The following SORCS1 variants were observed in gnomAD, a reference collection of about 807,000 sequenced individuals.
SORCS1 encodes the protein VPS10 domain-containing receptor SorCS1.
A neutral mutation model predicts 146.1 loss-of-function variants in SORCS1; 60 were observed. That is an observed-to-expected ratio of 0.41 (90% CI 0.33 to 0.51). SORCS1 has a LOEUF of 0.51. Ranked by LOEUF, SORCS1 falls within the 20% of genes least tolerant of loss-of-function variation. The pLI, the probability that SORCS1 is intolerant of heterozygous loss-of-function variation, is 0.21. For missense variants in SORCS1, 1,352 were observed against 1,487.6 expected (o/e 0.91, Z 1.50); for synonymous variants, 637 against 584.0 (o/e 1.09, Z -1.31).
chr10:106,699,350 G>A lies in SORCS1; in HGVS notation c.1277C>T (p.Ala426Val), dbSNP rs1486573405. 14 of 1,613,480 alleles carry A rather than the reference G, an allele frequency of 8.7e-6. No homozygotes were observed. Among genetic ancestry groups the A allele is most frequent in the East Asian group, 2.2e-5 (1 of 44,870 alleles). The change falls in exon 9 of 26, where the codon GCG (alanine) becomes GTG (valine). Residue 426 changes from alanine (A) to valine (V), a missense_variant. By Grantham distance (64) the Ala-to-Val change is moderately conservative. Around this residue, in one of 3 missense-constraint regions of SORCS1, gnomAD observed 648 missense variants for 793.8 expected, o/e 0.82. Transcript: ENST00000263054. The part of the protein sequence containing the change: ...ISTDENQVFA[A>V]VQEWNQNDTY... ...GTCATTCTGGTTCCATTCTTGGACC[G>A]CTGCGAACACCTGATTCTCATCGGT...
rs1486189167 is a variant in SORCS1 at position 106,829,580 on chromosome 10, C to T, written c.720G>A (p.Lys240=). 2 of 1,589,600 alleles carry T rather than the reference C, an allele frequency of 1.3e-6. No individual in the cohort carries two copies. Among genetic ancestry groups the T allele is most frequent in the African/African-American group, 2.7e-5 (2 of 74,636 alleles). Residue 240 remains lysine (K), a synonymous_variant, in exon 3 of 26, where the codon AAG becomes AAA. Transcript: ENST00000263054. The stretch of plus-strand genomic sequence containing the variant: ...CTGAATATACATTTCTTACCTTACG[C>T]TTGTTGGTAGGACACACATAGAGAT... ...LSYLYVCPTN[K]RKIMLLTDPE... is the part of the protein sequence containing the mutation.
chr10:106,595,728 T>C (rs1845867901), intron 24 of SORCS1, among the ~76,000 whole-genome samples: 1 of 152,188 alleles, frequency 6.6e-6, no homozygotes, highest in South Asian at 2.1e-4. Flanking sequence ...CAATAGCTAC[T>C]TTTTGTCCTC....
intron 2 of SORCS1, among the ~76,000 whole-genome samples, chr10:106,907,029 AATG>A (rs1169099639): frequency 6.6e-6 from 1 of 152,208 alleles, no homozygotes; most frequent in African/African-American, 2.4e-5. Flanking sequence ...ATTGAAAAAG[AATG>A]ATAATACTCA....
chr10:106,710,670 C>T (rs1406184314), intron 6 of SORCS1, among the ~76,000 whole-genome samples: 1 of 152,070 alleles, frequency 6.6e-6, no homozygotes, highest in Non-Finnish European at 1.5e-5. Flanking sequence ...GATTATGTTA[C>T]TCCCTTACTT....
chr10:106,695,384 A>G (rs1339308796), intron 9 of SORCS1, among the ~76,000 whole-genome samples: 13 of 152,088 alleles, frequency 8.5e-5, no homozygotes, highest in Non-Finnish European at 2.9e-5. Flanking sequence ...CTGCCCTTCT[A>G]CGTTCTTCAG....
At chr10:106,794,181 A>G (rs1589891546) in intron 3 of SORCS1, among the ~76,000 whole-genome samples, 1 of 152,222 alleles carries the variant, frequency 6.6e-6, no homozygotes, top group Non-Finnish European at 1.5e-5. Flanking sequence ...TGTCCTGGAC[A>G]TTATTCCCAT....
At chr10:106,711,203 C>T (rs1375097108) in intron 6 of SORCS1, among the ~76,000 whole-genome samples, 1 of 152,128 alleles carries the variant, frequency 6.6e-6, no homozygotes, top group Admixed American at 6.6e-5. Flanking sequence ...GAACATGCCA[C>T]TTATTGAAAT....
intron 1 of SORCS1, 78 bp downstream of exon 1, chr10:107,163,891 A>G (rs1256101788): frequency 4.7e-6 from 7 of 1,480,344 alleles, no homozygotes; most frequent in African/African-American, 2.8e-5. Flanking sequence ...TTTCCCCCCA[A>G]TTCTCCATCA....
intron 1 of SORCS1, among the ~76,000 whole-genome samples, chr10:107,101,577 G>T (rs897006758): frequency 6.6e-6 from 1 of 151,972 alleles, no homozygotes; most frequent in African/African-American, 2.4e-5. Context: ...CTCCCTCCTG[G>T]TCTCAAACTC....
At chr10:106,956,056 G>T (rs1954922571) in intron 2 of SORCS1, among the ~76,000 whole-genome samples, 1 of 152,028 alleles carries the variant, frequency 6.6e-6, no homozygotes, top group African/African-American at 2.4e-5. Flanking sequence ...CTTGAACCCG[G>T]GAGGCAGAGG....
intron 1 of SORCS1, among the ~76,000 whole-genome samples, chr10:107,003,429 AGTGTGTGTGTGTGTGTGTGTGTGTGTGT>A (rs59467041): frequency 7.1e-6 from 1 of 140,436 alleles, no homozygotes; most frequent in Non-Finnish European, 1.6e-5. Flanking sequence ...AATTCCCATA[AGTGTGTGTGTGTGTGTGTGTGTGTGTGT>A]GTGTGTGTGT....
chr10:107,032,531 C>T (rs568900568), intron 1 of SORCS1, among the ~76,000 whole-genome samples: 38 of 152,258 alleles, frequency 2.5e-4, no homozygotes, highest in African/African-American at 8.9e-4. Flanking sequence ...CTCAATTCTA[C>T]CTCTAGTTTC....
At chr10:107,111,133 T>C (rs759232211) in intron 1 of SORCS1, among the ~76,000 whole-genome samples, 1 of 152,212 alleles carries the variant, frequency 6.6e-6, no homozygotes, top group Admixed American at 6.5e-5. Context: ...TGCAAATGCA[T>C]AGCCATCAAT....
At chr10:106,992,056 A>C (rs1427748233) in intron 1 of SORCS1, among the ~76,000 whole-genome samples, 1 of 152,182 alleles carries the variant, frequency 6.6e-6, no homozygotes, top group Non-Finnish European at 1.5e-5. Context: ...CAAAAACTTA[A>C]GAGTGAAGAG....
intron 3 of SORCS1, among the ~76,000 whole-genome samples, chr10:106,813,368 G>A (rs762403718): frequency 8.6e-5 from 13 of 151,540 alleles, no homozygotes; most frequent in Non-Finnish European, 1.6e-4. Flanking sequence ...TTCTGACTTC[G>A]TGATCCTACC....
chr10:107,137,341 T>C (rs935697066), intron 1 of SORCS1, among the ~76,000 whole-genome samples: 14 of 152,174 alleles, frequency 9.2e-5, no homozygotes, highest in Non-Finnish European at 1.8e-4. Context: ...CATCCTGTCC[T>C]GGATGTCAGC....
chr10:107,168,650 A>G (rs1285056112), upstream of SORCS1, among the ~76,000 whole-genome samples: 3 of 147,496 alleles, frequency 2.0e-5, no homozygotes, highest in Admixed American at 2.1e-4. Context: ...TGGAGTTTAA[A>G]TGTACCAGCT....
At chr10:106,673,069 A>T in intron 14 of SORCS1, 84 bp from the exon 15 acceptor site, 1 of 1,072,640 alleles carries the variant, frequency 9.3e-7, no homozygotes, top group Non-Finnish European at 1.4e-6. Context: ...TGGGGCGTTC[A>T]CCCTGAGCTA....
intron 2 of SORCS1, among the ~76,000 whole-genome samples, chr10:106,950,697 T>C (rs979033304): frequency 6.6e-6 from 1 of 152,044 alleles, no homozygotes; most frequent in Non-Finnish European, 1.5e-5. Flanking sequence ...TGTTTGGGTA[T>C]AGAAAGATCC....
Sources: gnomAD v4.1 joint callset for allele counts (sites outside exome capture counted in the v4.1 genomes callset) on GRCh38, gnomAD v4.1.1 for gene constraint, gnomAD v4.1.1 regional missense constraint, MANE v1.5 for transcripts, NCBI Gene and HGNC (gene_info 2026-07-23, HGNC 2026-07-21) for gene names.